The following IGSF21 variants were observed in gnomAD, a reference collection of about 807,000 sequenced individuals.
The protein encoded by IGSF21 is immunoglobulin superfamily member 21.
Under a neutral mutation model 46.8 loss-of-function variants are expected in IGSF21, and 28 were observed. The ratio of observed to expected loss-of-function variants is 0.60; its 90% CI spans 0.44 to 0.82. The LOEUF is 0.82. Among genes scored for constraint, IGSF21 ranks in the 40% least tolerant of loss-of-function variants. The pLI, the probability that IGSF21 is intolerant of heterozygous loss-of-function variation, is 0.00. For synonymous variants in IGSF21, 284 were observed against 273.6 expected (o/e 1.04, Z -0.38); for missense variants, 624 against 665.5 (o/e 0.94, Z 0.69).
intron 2 of IGSF21, among the ~76,000 whole-genome samples, chr1:18,263,812 C>A (rs1210973304): frequency 6.6e-6 from 1 of 152,146 alleles, no homozygotes. Flanking sequence ...TTTGAGAAGT[C>A]CTGTCTAAAA....
intron 2 of IGSF21, among the ~76,000 whole-genome samples, chr1:18,274,085 C>T (rs1258434678): frequency 6.6e-6 from 1 of 152,210 alleles, no homozygotes; most frequent in African/African-American, 2.4e-5. Flanking sequence ...TGTGGCAGAG[C>T]ATTTGGGTAT....
intron 2 of IGSF21, among the ~76,000 whole-genome samples, chr1:18,244,365 C>T (rs924120904): frequency 1.3e-5 from 2 of 152,210 alleles, no homozygotes; most frequent in African/African-American, 2.4e-5. Context: ...GACCATGGGC[C>T]TTGATCCCAC....
At chr1:18,236,093 C>G (rs2084670329) in intron 2 of IGSF21, among the ~76,000 whole-genome samples, 1 of 139,210 alleles carries the variant, frequency 7.2e-6, no homozygotes, top group Non-Finnish European at 1.6e-5. Flanking sequence ...ACAGGAGAAG[C>G]AGGTTGCAAG....
rs534277885 is a variant in IGSF21 at position 18,165,764 on chromosome 1, C to T, written c.70+57566C>T. 5.9e-5 allele frequency among the ~76,000 whole-genome samples: 9 copies of T among 152,320 alleles called. No individual in the cohort carries two copies. The South Asian group carries it at 1.7e-3, about 28-fold the overall frequency. ...TCCCACAATTTAGCCTAAATATTTG[C>T]CCTGGCATGTTTATACCAGTCCAAG... is the stretch of plus-strand genomic sequence containing the variant. On this transcript the variant is annotated intron_variant, in intron 1 of 9. Transcript: ENST00000251296.
chr1:18,251,388 G>T (rs1311730486), intron 2 of IGSF21, among the ~76,000 whole-genome samples: 3 of 152,290 alleles, frequency 2.0e-5, no homozygotes, highest in Middle Eastern at 3.4e-3. Context: ...TACAACAAAG[G>T]TTTATTTCTT....
At chr1:18,319,508 C>T (rs1317499032) in intron 3 of IGSF21, among the ~76,000 whole-genome samples, 1 of 151,646 alleles carries the variant, frequency 6.6e-6, no homozygotes, top group Non-Finnish European at 1.5e-5. Context: ...AGGCTGTAAG[C>T]CCGTGAAGAT....
chr1:18,377,031 A>C, intron 8 of IGSF21, 39 bp downstream of exon 8: 1 of 1,555,148 alleles, frequency 6.4e-7, no homozygotes, highest in Non-Finnish European at 8.7e-7. Flanking sequence ...GAACAACCAC[A>C]GGGGCGGGTC....
At chr1:18,164,200 G>T (rs1342254920) in intron 1 of IGSF21, among the ~76,000 whole-genome samples, 1 of 152,136 alleles carries the variant, frequency 6.6e-6, no homozygotes, top group East Asian at 1.9e-4. Flanking sequence ...TTACTCAAGG[G>T]TTTAGGACTA....
At chr1:18,195,473 C>A (rs72944454) in intron 1 of IGSF21, among the ~76,000 whole-genome samples, 1,672 of 152,286 alleles carry the variant, frequency 0.011, 29 homozygotes, top group African/African-American at 0.038. Flanking sequence ...TCCTTCTTCT[C>A]CACTTTCTGG....
chr1:18,371,654 C>CA, intron 6 of IGSF21, among the ~76,000 whole-genome samples: 1 of 151,442 alleles, frequency 6.6e-6, no homozygotes, highest in African/African-American at 2.4e-5. Context: ...AATTCTAGAA[C>CA]AAAAAATAAA....
At chr1:18,368,253 C>T (rs550450893) in intron 6 of IGSF21, among the ~76,000 whole-genome samples, 28 of 151,984 alleles carry the variant, frequency 1.8e-4, no homozygotes, top group African/African-American at 6.3e-4. Context: ...CGCCTGTAAT[C>T]CTAACACTTT....
chr1:18,196,287 G>A (rs545828321), intron 1 of IGSF21, among the ~76,000 whole-genome samples: 94 of 152,196 alleles, frequency 6.2e-4, no homozygotes, highest in Admixed American at 1.3e-3. Flanking sequence ...GGGGTTACAG[G>A]GAAGGGAGGA....
In IGSF21 at chr1:18,365,875, A is replaced by G. The variant is rs2086160761; in HGVS notation, c.1015+178A>G. Among the ~76,000 whole-genome samples, 2 of 152,128 alleles carry G rather than the reference A, an allele frequency of 1.3e-5. No individual in the cohort carries two copies. Among genetic ancestry groups the G allele is most frequent in the Admixed American group, 1.3e-4 (2 of 15,272 alleles). On this transcript the variant is annotated intron_variant, in intron 6 of 9. Coordinates refer to ENST00000251296, the MANE Select transcript of IGSF21 (RefSeq NM_032880.5). This position sits in a 1 kb window ranked among gnomAD's most constrained non-coding sequence, Gnocchi z 4.8. ...TTCTTAGGGAGGTTTGCTGAGCTGG[A>G]TTGGAGAAGATGGGAGGTACCCACA...
At chr1:18,342,786 A>G (rs998477084) in intron 4 of IGSF21, among the ~76,000 whole-genome samples, 24 of 152,220 alleles carry the variant, frequency 1.6e-4, no homozygotes, top group African/African-American at 5.5e-4. Flanking sequence ...TTCAATGCTG[A>G]ATAATATTCC....
chr1:18,250,361 G>A (rs2084829572), intron 2 of IGSF21, among the ~76,000 whole-genome samples: 1 of 151,868 alleles, frequency 6.6e-6, no homozygotes, highest in African/African-American at 2.4e-5. Context: ...CAGAGTAAGT[G>A]CTTTTGCACG....
chr1:18,288,753 G>A (rs974988960), intron 2 of IGSF21, among the ~76,000 whole-genome samples: 1 of 152,202 alleles, frequency 6.6e-6, no homozygotes, highest in African/African-American at 2.4e-5. Flanking sequence ...GAGAGGCTGA[G>A]GGAGGAAGGA....
intron 2 of IGSF21, among the ~76,000 whole-genome samples, chr1:18,276,947 T>G (rs60317728): frequency 0.022 from 3,388 of 152,230 alleles, 139 homozygotes; most frequent in African/African-American, 0.074. Flanking sequence ...ATATAACTCA[T>G]CTCTCCCAGC....
At chr1:18,275,189 G>A (rs2085087943) in intron 2 of IGSF21, among the ~76,000 whole-genome samples, 1 of 152,232 alleles carries the variant, frequency 6.6e-6, no homozygotes, top group Admixed American at 6.5e-5. Context: ...TCTTTGTGCA[G>A]CTCTTGCAGG....
At chr1:18,108,334 G>A in intron 1 of IGSF21, 136 bp downstream of exon 1, 1 of 971,166 alleles carries the variant, frequency 1.0e-6, no homozygotes. Context: ...CTGTGGAGCT[G>A]GTTGGCTCGA....
Sources: allele counts gnomAD v4.1 joint callset (sites outside exome capture counted in the v4.1 genomes callset), GRCh38; gene constraint gnomAD v4.1.1; non-coding constraint Gnocchi (gnomAD v3.1); transcripts MANE v1.5; gene names NCBI Gene and HGNC (gene_info 2026-07-23, HGNC 2026-07-21).